STIM2: variants seen among roughly 807,000 people sequenced by gnomAD.
STIM2 encodes stromal interaction molecule 2.
A neutral mutation model predicts 85.8 loss-of-function variants in STIM2; 31 were observed. The ratio of observed to expected loss-of-function variants is 0.36; its 90% CI spans 0.27 to 0.49. The LOEUF is 0.49. Among genes scored for constraint, STIM2 ranks in the 20% least tolerant of loss-of-function variants. STIM2 has a pLI of 0.98. For missense variants in STIM2, 841 were observed against 927.6 expected (o/e 0.91, Z 1.21); for synonymous variants, 356 against 331.1 (o/e 1.08, Z -0.82).
At chr4:26,946,791 T>G (rs912168366) in intron 2 of STIM2, among the ~76,000 whole-genome samples, 1 of 152,240 alleles carries the variant, frequency 6.6e-6, no homozygotes, top group African/African-American at 2.4e-5. Flanking sequence ...TTTACCAGTT[T>G]GGTTTTGTGG....
chr4:26,954,205 T>TA (rs1726157889), intron 2 of STIM2, among the ~76,000 whole-genome samples: 1 of 152,182 alleles, frequency 6.6e-6, no homozygotes, highest in African/African-American at 2.4e-5. Flanking sequence ...ATCAGTTTAT[T>TA]ATATGAAAAC....
intron 2 of STIM2, among the ~76,000 whole-genome samples, chr4:26,957,178 A>G (rs1450126997): frequency 1.3e-5 from 2 of 152,178 alleles, no homozygotes; most frequent in African/African-American, 2.4e-5. Context: ...TGTAAATGCT[A>G]TGTAAATAGT....
rs2109127760 is a variant in STIM2, at chr4:26,998,107, G to A, written c.510-1125G>A. ...ATTATAAGGTTTTCTTGAGTATTAAGCCATTGGTACAGGACCCAGCATATA... is the reference window on the plus strand; with the variant it reads ...ATTATAAGGTTTTCTTGAGTATTAAACCATTGGTACAGGACCCAGCATATA... On this transcript the variant is annotated intron_variant, in intron 4 of 11. Transcript: ENST00000467087. 1.3e-5 allele frequency among the ~76,000 whole-genome samples: 2 copies of A among 152,232 alleles called. 1 individual carries two copies. Among genetic ancestry groups the A allele is most frequent in the African/African-American group, 4.8e-5 (2 of 41,528 alleles).
chr4:27,008,366 A>G (rs2109136848), intron 8 of STIM2, 62 bp from the exon 9 acceptor site: 3 of 971,092 alleles, frequency 3.1e-6, no homozygotes, highest in East Asian at 2.7e-5. Flanking sequence ...ATTATGTTAT[A>G]TATACAAAAA....
intron 1 of STIM2, among the ~76,000 whole-genome samples, chr4:26,900,239 A>G (rs1367718291): frequency 1.3e-5 from 2 of 152,124 alleles, no homozygotes; most frequent in South Asian, 2.1e-4. Context: ...CTGCTTTCCA[A>G]AGCAGTGGGC....
At chr4:26,923,437 G>A (rs1724887081) in intron 2 of STIM2, among the ~76,000 whole-genome samples, 1 of 151,838 alleles carries the variant, frequency 6.6e-6, no homozygotes, top group Admixed American at 6.6e-5. Flanking sequence ...AGCTTCGTAA[G>A]TGAAGGAGAA....
intron 3 of STIM2, among the ~76,000 whole-genome samples, chr4:26,962,164 A>G (rs929266810): frequency 1.3e-5 from 2 of 152,328 alleles, no homozygotes; most frequent in Admixed American, 6.5e-5. Context: ...TCTATTTATG[A>G]ATAGTGAGGC....
rs1727066480 is a variant in STIM2, at chr4:26,973,658, T to C, written c.397+15932T>C. On this transcript the variant is annotated intron_variant, in intron 3 of 11. Coordinates refer to ENST00000467087, the MANE Select transcript of STIM2 (RefSeq NM_020860.4). ...TTGCTGAGGAGTGCTTTACTTCCGA[T>C]TATGTGGTCAATTTTAGAATAAGTG... is the stretch of plus-strand genomic sequence containing the variant. Among the ~76,000 whole-genome samples the C allele has an allele frequency of 3.9e-5, 6 of 152,116 alleles. No individual in the cohort carries two copies. In the South Asian group the frequency reaches 1.2e-3, roughly 31 times the overall value.
rs1045067895 is a variant in STIM2 at position 26,970,448 on chromosome 4, A to G, written c.397+12722A>G. On this transcript the variant is annotated intron_variant, in intron 3 of 11. Transcript: ENST00000467087. ...TGTGATGTTCCCTGCCCTGTGTCCA[A>G]GTGATCTCATTGTTCAGTTCCCACC... Among the ~76,000 whole-genome samples the G allele has an allele frequency of 5.3e-5, 8 of 151,476 alleles. No homozygotes were observed. The South Asian group carries it at 1.0e-3, about 20-fold the overall frequency.
intron 3 of STIM2, among the ~76,000 whole-genome samples, chr4:26,968,565 G>A (rs1474314660): frequency 6.6e-6 from 1 of 152,112 alleles, no homozygotes; most frequent in Admixed American, 6.6e-5. Flanking sequence ...TTTCAGTTTT[G>A]TGTAATAAGA....
intron 2 of STIM2, among the ~76,000 whole-genome samples, chr4:26,920,554 A>C (rs1033444386): frequency 6.6e-6 from 1 of 152,118 alleles, no homozygotes. Context: ...TCTCTTTCAG[A>C]TTATATTATA....
At chr4:26,885,819 G>A (rs1428363888) in intron 1 of STIM2, among the ~76,000 whole-genome samples, 3 of 56,526 alleles carry the variant, frequency 5.3e-5, no homozygotes, top group African/African-American at 1.6e-4. Flanking sequence ...TAGCACCTCA[G>A]GTTATATATA....
At chr4:26,866,574 T>A (rs1425540895) in intron 1 of STIM2, among the ~76,000 whole-genome samples, 1 of 152,128 alleles carries the variant, frequency 6.6e-6, no homozygotes, top group East Asian at 1.9e-4. Context: ...GGATAAATAC[T>A]TTTCTTTAGA....
intron 1 of STIM2, among the ~76,000 whole-genome samples, chr4:26,898,522 T>C (rs1420725185): frequency 1.3e-5 from 2 of 152,230 alleles, no homozygotes; most frequent in African/African-American, 4.8e-5. Context: ...CTATTGATGA[T>C]TGTTGCCTAG....
intron 1 of STIM2, among the ~76,000 whole-genome samples, chr4:26,872,340 A>G (rs141940110): frequency 3.9e-5 from 6 of 152,230 alleles, no homozygotes; most frequent in Non-Finnish European, 8.8e-5. Context: ...AGCCTGAGTC[A>G]TTTTGTACCT....
intron 1 of STIM2, among the ~76,000 whole-genome samples, chr4:26,905,775 G>A (rs1438942408): frequency 6.6e-6 from 1 of 151,992 alleles, no homozygotes; most frequent in Non-Finnish European, 1.5e-5. Flanking sequence ...TGGTGTTCTG[G>A]GTAGGAATAT....
At chr4:26,922,382 T>TA (rs1455720849) in intron 2 of STIM2, among the ~76,000 whole-genome samples, 2 of 151,768 alleles carry the variant, frequency 1.3e-5, no homozygotes, top group Non-Finnish European at 2.9e-5. Context: ...ACTCTGAGAG[T>TA]ATACAGTGTT....
At chr4:26,891,479 A>C (rs1723475641) in intron 1 of STIM2, among the ~76,000 whole-genome samples, 1 of 152,026 alleles carries the variant, frequency 6.6e-6, no homozygotes, top group Non-Finnish European at 1.5e-5. Context: ...TAGTTCCTTA[A>C]AATAAATCTC....
At chr4:26,899,049 C>G (rs1723820371) in intron 1 of STIM2, among the ~76,000 whole-genome samples, 1 of 151,606 alleles carries the variant, frequency 6.6e-6, no homozygotes. Flanking sequence ...GATAATACAA[C>G]CCTTCTCTTG....
Sources: allele counts gnomAD v4.1 joint callset (sites outside exome capture counted in the v4.1 genomes callset), GRCh38; gene constraint gnomAD v4.1.1; transcripts MANE v1.5; gene names NCBI Gene and HGNC (gene_info 2026-07-23, HGNC 2026-07-21).